Variants in SNX29 observed in about 807,000 individuals in gnomAD.
SNX29 encodes sorting nexin-29.
Under a neutral mutation model 102.1 loss-of-function variants are expected in SNX29, and 78 were observed. That is an observed-to-expected ratio of 0.76 (90% confidence interval 0.64 to 0.92). The LOEUF is 0.92. Among genes scored for constraint, SNX29 ranks in the 40% least tolerant of loss-of-function variants. The pLI, the probability that SNX29 is intolerant of heterozygous loss-of-function variation, is 0.00. For missense variants in SNX29, 1,280 were observed against 1,061.7 expected, an observed-to-expected ratio of 1.21 and a Z score of -2.86; for synonymous variants, 580 against 414.5, an observed-to-expected ratio of 1.40 and a Z score of -4.85.
chr16:12,555,533 TGGG>T (rs1338373440), intron 20 of SNX29, among the ~76,000 whole-genome samples: 16 of 151,386 alleles, frequency 1.1e-4, no homozygotes, highest in Admixed American at 2.0e-4. Flanking sequence ...CCCTGCTCTC[TGGG>T]AGGTCATACC....
intron 1 of SNX29, among the ~76,000 whole-genome samples, chr16:11,983,438 C>G (rs1023807715): frequency 2.6e-5 from 4 of 151,998 alleles, no homozygotes; most frequent in Non-Finnish European, 1.5e-5. Flanking sequence ...ACTGGGCCCT[C>G]TCTGACAGTA....
At chr16:12,331,640 C>G (rs1483285817) in intron 15 of SNX29, among the ~76,000 whole-genome samples, 3 of 152,120 alleles carry the variant, frequency 2.0e-5, no homozygotes, top group African/African-American at 7.2e-5. Flanking sequence ...CAGCCTCTGC[C>G]TCCTGGGTTC....
At chr16:12,515,844 G>A (rs966350619) in intron 19 of SNX29, among the ~76,000 whole-genome samples, 2 of 152,082 alleles carry the variant, frequency 1.3e-5, no homozygotes, top group Admixed American at 6.6e-5. Flanking sequence ...CAATTAACGC[G>A]AGTGCCAGTA....
intron 16 of SNX29, among the ~76,000 whole-genome samples, chr16:12,382,263 G>A (rs1567506023): frequency 1.3e-5 from 2 of 152,168 alleles, no homozygotes; most frequent in East Asian, 1.9e-4. Context: ...TGAGAAAAGC[G>A]AAGGTTAGAG....
Position 12,570,201 on chromosome 16 carries a change from A to G in SNX29, c.*1572A>G, listed in dbSNP as rs1181639969. 2 of 1,064,920 alleles carry G rather than the reference A, an allele frequency of 1.9e-6. No homozygotes were observed. Among genetic ancestry groups the G allele is most frequent in the East Asian group, 5.0e-5 (1 of 20,036 alleles). 66.0% of individuals were successfully genotyped at this position (1,064,920 alleles called of 1,614,324 possible). A position where few individuals can be genotyped will look rare whatever the true frequency, so the allele number is the denominator to read the frequency against. On this transcript the variant is annotated 3_prime_UTR_variant, in exon 21 of 21. Coordinates refer to ENST00000566228, the MANE Select transcript of SNX29 (RefSeq NM_032167.5). ...AACCGAGTCAGCCTACATGACTTCC[A>G]AGGGGACCTGGGGCCAGATAAGCCC...
intron 15 of SNX29, among the ~76,000 whole-genome samples, chr16:12,322,197 C>T (rs2080961679): frequency 6.6e-6 from 1 of 152,166 alleles, no homozygotes. Context: ...CCCATAAGGC[C>T]AGTCACGCTA....
rs143939787 is a variant in SNX29 at position 11,989,113 on chromosome 16, C to T, written c.8-10184C>T. ...CTCAGCCTCTCAGTAGCTGGGATTA[C>T]GGGTGGGTGCCATCATGCCTGGCTA... is the stretch of plus-strand genomic sequence containing the variant. On this transcript the variant is annotated intron_variant, in intron 1 of 20. Transcript: ENST00000566228. Among the ~76,000 whole-genome samples, 140 of 152,144 alleles carry T rather than the reference C, an allele frequency of 9.2e-4. No homozygotes were observed. The East Asian group carries it at 0.023, about 25-fold the overall frequency.
At chr16:12,015,193 T>G (rs2056805171) in intron 3 of SNX29, among the ~76,000 whole-genome samples, 1 of 152,152 alleles carries the variant, frequency 6.6e-6, no homozygotes, top group South Asian at 2.1e-4. Flanking sequence ...GCATTTTTAT[T>G]TTTTATCTTG....
intron 1 of SNX29, among the ~76,000 whole-genome samples, chr16:11,981,391 A>G (rs2055410221): frequency 6.6e-6 from 1 of 151,744 alleles, no homozygotes; most frequent in Non-Finnish European, 1.5e-5. Context: ...AGCCTGAGCC[A>G]CCATGCCTGG....
intron 11 of SNX29, among the ~76,000 whole-genome samples, chr16:12,105,418 G>A (rs542574094): frequency 2.6e-5 from 4 of 152,000 alleles, no homozygotes; most frequent in African/African-American, 9.7e-5. Context: ...TTTAATAGAG[G>A]TGGGTTTTTA....
chr16:12,152,024 G>A (rs189538158), intron 13 of SNX29, among the ~76,000 whole-genome samples: 18 of 124,878 alleles, frequency 1.4e-4, no homozygotes, highest in Admixed American at 8.3e-4. Context: ...TTTGAGACCA[G>A]CCTGGGCAAT....
chr16:12,055,168 CA>C (rs949208380), intron 8 of SNX29, among the ~76,000 whole-genome samples: 5 of 151,666 alleles, frequency 3.3e-5, no homozygotes, highest in African/African-American at 1.2e-4. Flanking sequence ...TATTTTTTCT[CA>C]ATTTCTACCT....
chr16:12,557,973 G>T (rs12926426), intron 20 of SNX29, among the ~76,000 whole-genome samples: 30,589 of 150,404 alleles, frequency 0.2, 3,235 homozygotes, highest in East Asian at 0.43. Context: ...TGGGTCTTCT[G>T]CTTAAGATTT....
intron 18 of SNX29, among the ~76,000 whole-genome samples, chr16:12,438,446 A>C (rs926660526): frequency 2.6e-5 from 4 of 152,134 alleles, no homozygotes; most frequent in African/African-American, 9.7e-5. Flanking sequence ...ACTCCAGCCC[A>C]GGACCCCTTT....
chr16:12,502,534 G>T (rs1182484455), intron 19 of SNX29, among the ~76,000 whole-genome samples: 1 of 152,112 alleles, frequency 6.6e-6, no homozygotes, highest in Non-Finnish European at 1.5e-5. Flanking sequence ...CTTCCCCACG[G>T]TGGCCGGGGC....
chr16:12,029,656 A>G (rs1306207457), intron 4 of SNX29: 1 of 449,370 alleles, frequency 2.2e-6, no homozygotes, highest in South Asian at 1.6e-5. Context: ...CAGTGGCATG[A>G]TCTCAGCTCA....
intron 13 of SNX29, among the ~76,000 whole-genome samples, chr16:12,185,104 C>CT (rs1224697495): frequency 6.6e-6 from 1 of 152,178 alleles, no homozygotes; most frequent in Admixed American, 6.5e-5. Context: ...TGCTTTGGTT[C>CT]TGAGATTCCC....
At chr16:12,115,409 C>G (rs2053654354) in intron 11 of SNX29, among the ~76,000 whole-genome samples, 2 of 151,632 alleles carry the variant, frequency 1.3e-5, no homozygotes, top group African/African-American at 4.9e-5. Flanking sequence ...CATGCTCTGA[C>G]CAGAGAAATT....
At chr16:12,210,807 C>G (rs1279959414) in intron 14 of SNX29, among the ~76,000 whole-genome samples, 1 of 152,058 alleles carries the variant, frequency 6.6e-6, no homozygotes, top group East Asian at 1.9e-4. Context: ...TTGTTTCACT[C>G]TGCTCCGGTC....
Sources: gnomAD v4.1 joint callset for allele counts (sites outside exome capture counted in the v4.1 genomes callset) on GRCh38, gnomAD v4.1.1 for gene constraint, MANE v1.5 for transcripts, NCBI Gene and HGNC (gene_info 2026-07-23, HGNC 2026-07-21) for gene names.